Variants in WARS2 observed in about 807,000 individuals in gnomAD.
The protein encoded by WARS2 is tryptophan--tRNA ligase, mitochondrial.
Under a neutral mutation model 36.5 loss-of-function variants are expected in WARS2, and 28 were observed. That is an observed-to-expected ratio of 0.77 (90% CI 0.57 to 1.05). WARS2 has a LOEUF of 1.05. Ranked by LOEUF, WARS2 falls within the 50% of genes least tolerant of loss-of-function variation. The pLI, the probability that WARS2 is intolerant of heterozygous loss-of-function variation, is 0.00. For synonymous variants in WARS2, 174 were observed against 178.4 expected (o/e 0.98, Z 0.20); for missense variants, 435 against 456.8 (o/e 0.95, Z 0.44).
At chr1:119,097,173 C>A (rs1557977717) in intron 1 of WARS2, among the ~76,000 whole-genome samples, 1 of 151,998 alleles carries the variant, frequency 6.6e-6, no homozygotes, top group Non-Finnish European at 1.5e-5. Context: ...TGTCATCAGT[C>A]GAGTTATAAT....
chr1:119,047,797 C>T (rs2645301), intron 2 of WARS2, among the ~76,000 whole-genome samples: 44,778 of 151,976 alleles, frequency 0.29, 7,237 homozygotes, highest in African/African-American at 0.43. Flanking sequence ...CTGTATAACC[C>T]GATTAGCCAC....
At chr1:119,079,039 A>C (rs1651987842) in intron 1 of WARS2, among the ~76,000 whole-genome samples, 1 of 152,042 alleles carries the variant, frequency 6.6e-6, no homozygotes, top group African/African-American at 2.4e-5. Flanking sequence ...GTCTGTATCC[A>C]TCTGGAGTTT....
At chr1:119,047,268 AAGAAGT>A (rs1648934205) in intron 2 of WARS2, 1 of 123,802 alleles carries the variant, frequency 8.1e-6, no homozygotes, top group East Asian at 2.5e-4. Flanking sequence ...TTCTGGCATG[AAGAAGT>A]AGGAGAGAAT....
chr1:119,034,372 T>C (rs558423458), intron 4 of WARS2, among the ~76,000 whole-genome samples, 159 bp from the exon 5 acceptor site: 3 of 152,318 alleles, frequency 2.0e-5, no homozygotes, highest in Admixed American at 6.5e-5. Flanking sequence ...TCTTTATCTA[T>C]GGATCAGACA....
chr1:119,078,911 T>C (rs1004380616), intron 1 of WARS2, among the ~76,000 whole-genome samples: 7 of 151,454 alleles, frequency 4.6e-5, no homozygotes, highest in Admixed American at 3.9e-4. Context: ...TGTGTGTGTG[T>C]GTGTGTGTGC....
chr1:119,094,698 G>A (rs891346126), intron 1 of WARS2, among the ~76,000 whole-genome samples: 1 of 151,984 alleles, frequency 6.6e-6, no homozygotes, highest in Non-Finnish European at 1.5e-5. Flanking sequence ...TATGTCAAAA[G>A]CAGCTAAATT....
At chr1:119,052,765 G>A (rs1213814430) in intron 2 of WARS2, among the ~76,000 whole-genome samples, 1 of 152,142 alleles carries the variant, frequency 6.6e-6, no homozygotes, top group Non-Finnish European at 1.5e-5. Context: ...TGGCTTACAG[G>A]AATTGTTTCT....
chr1:119,115,886 C>T (rs1250139543), intron 1 of WARS2, among the ~76,000 whole-genome samples: 1 of 152,100 alleles, frequency 6.6e-6, no homozygotes, highest in Non-Finnish European at 1.5e-5. Flanking sequence ...TTTTACTCTT[C>T]CACTATTTCC....
At chr1:119,126,594 C>A in intron 1 of WARS2, 1 of 662,892 alleles carries the variant, frequency 1.5e-6, no homozygotes, top group Non-Finnish European at 2.8e-6. Flanking sequence ...AACTTTAGCA[C>A]CTGTCTTGTC....
At chr1:119,103,394 G>A (rs1488581305) in intron 1 of WARS2, among the ~76,000 whole-genome samples, 1 of 152,050 alleles carries the variant, frequency 6.6e-6, no homozygotes, top group African/African-American at 2.4e-5. Flanking sequence ...ATTTGGATTT[G>A]GGTCAAGAGC....
intron 1 of WARS2, among the ~76,000 whole-genome samples, chr1:119,137,832 A>G (rs1260032180): frequency 1.3e-5 from 2 of 152,176 alleles, no homozygotes; most frequent in Non-Finnish European, 2.9e-5. Context: ...TTTATTTTCA[A>G]CTTGAGTTTA....
In WARS2 at chr1:119,140,623, T is replaced by A. The variant is rs1656901772; in HGVS notation, c.22A>T (p.Lys8Ter). 1 of 1,613,742 alleles carries A rather than the reference T, an allele frequency of 6.2e-7. No homozygotes were observed. Among genetic ancestry groups the A allele is most frequent in the Non-Finnish European group, 8.5e-7 (1 of 1,179,852 alleles). ...ATGAAGCTCCAGCGCTCACGCGCTT[T>A]CCGCATTGAGTGCAGCGCCATCTTG... MALHSMRKARERWSFIRA... is the reference protein window; with the variant it reads MALHSMR The change falls in exon 1 of 6, where the codon AAA (lysine) becomes TAA (stop). Residue 8 changes from lysine (K) to a stop codon, truncating the protein, a stop_gained. Transcript: ENST00000235521. LOFTEE classifies it high-confidence loss of function.
At chr1:119,056,011 C>CTTT (rs35376461) in intron 2 of WARS2, among the ~76,000 whole-genome samples, 14 of 127,196 alleles carry the variant, frequency 1.1e-4, no homozygotes, top group African/African-American at 2.7e-4. Context: ...CATACCATAA[C>CTTT]TTTTTTTTTT....
At chr1:119,076,664 T>A in intron 1 of WARS2, 57 bp from the exon 2 acceptor site, 1 of 1,600,510 alleles carries the variant, frequency 6.2e-7, no homozygotes, top group South Asian at 1.1e-5. Flanking sequence ...ATGAATCCTA[T>A]GCCCATGTTA....
intron 2 of WARS2, among the ~76,000 whole-genome samples, chr1:119,055,090 G>T (rs1649661789): frequency 6.6e-6 from 1 of 152,102 alleles, no homozygotes; most frequent in Non-Finnish European, 1.5e-5. Flanking sequence ...TAAAAATATA[G>T]ATGAAACGTA....
intron 1 of WARS2, among the ~76,000 whole-genome samples, chr1:119,136,875 T>C (rs995061688): frequency 6.6e-6 from 1 of 152,228 alleles, no homozygotes; most frequent in African/African-American, 2.4e-5. Context: ...CCTCAAGGCC[T>C]TGTTATGAAC....
rs149201054 is a variant in WARS2 at position 119,042,337 on chromosome 1, T to C, written c.442A>G (p.Lys148Glu). Residue 148 changes from lysine to glutamate, a missense_variant, in exon 4 of 6, where the codon AAG (lysine) becomes GAG (glutamate). Physicochemically the swap from Lys to Glu is moderately conservative, Grantham distance 56 (BLOSUM62 1). Coordinates refer to ENST00000235521, the MANE Select transcript of WARS2 (RefSeq NM_015836.4). ...HLHQWKAKTT[K>E]QKHDGTVGLL... is the part of the protein sequence containing the mutation. The stretch of plus-strand genomic sequence containing the variant: ...CCCACCGTGCCATCGTGCTTCTGCT[T>C]GGTAGTCTTTGCCTGTGAGAGGTGA... 12 of 1,613,664 alleles carry C rather than the reference T, an allele frequency of 7.4e-6. No individual in the cohort carries two copies. Among genetic ancestry groups the C allele is most frequent in the Non-Finnish European group, 1.7e-6 (2 of 1,179,846 alleles).
intron 5 of WARS2, among the ~76,000 whole-genome samples, chr1:119,033,664 C>T (rs546833657): frequency 4.1e-4 from 62 of 152,274 alleles, no homozygotes; most frequent in East Asian, 7.7e-4. Context: ...GTTCTGAGCA[C>T]GCTGAAGGTG....
intron 1 of WARS2, among the ~76,000 whole-genome samples, chr1:119,088,593 T>C (rs587723624): frequency 6.6e-6 from 1 of 152,186 alleles, no homozygotes; most frequent in East Asian, 1.9e-4. Context: ...TCCCAGCAGT[T>C]TGGATATTAC....
Sources: allele counts gnomAD v4.1 joint callset (sites outside exome capture counted in the v4.1 genomes callset), GRCh38; gene constraint gnomAD v4.1.1; transcripts MANE v1.5; gene names NCBI Gene and HGNC (gene_info 2026-07-23, HGNC 2026-07-21).